The following MAGI2 variants were observed in gnomAD, a reference collection of about 807,000 sequenced individuals.
The protein encoded by MAGI2 is membrane-associated guanylate kinase, WW and PDZ domain-containing protein 2.
In MAGI2, 35 loss-of-function variants were observed where a neutral mutation model predicts 133.3. The observed-to-expected ratio is 0.26, with a 90% CI of 0.20 to 0.35. The LOEUF (loss-of-function observed/expected upper bound fraction) is 0.35. Ranked by LOEUF, MAGI2 falls within the 10% of genes least tolerant of loss-of-function variation. The pLI, the probability that MAGI2 is intolerant of heterozygous loss-of-function variation, is 1.00. For missense variants in MAGI2, 1,636 were observed against 1,863.4 expected (o/e 0.88, Z 2.25); for synonymous variants, 729 against 710.6 (o/e 1.03, Z -0.41).
chr7:79,425,514 A>C (rs1847281867), intron 1 of MAGI2, among the ~76,000 whole-genome samples: 2 of 151,330 alleles, frequency 1.3e-5, no homozygotes, highest in Admixed American at 1.3e-4. Flanking sequence ...TAGAATACTA[A>C]CATCCTAAAG....
At chr7:79,001,960 C>CTA (rs1370344225) in intron 2 of MAGI2, among the ~76,000 whole-genome samples, 1 of 152,084 alleles carries the variant, frequency 6.6e-6, no homozygotes, top group South Asian at 2.1e-4. Context: ...AGACTTTTAT[C>CTA]TATATATGTT....
chr7:78,421,095 G>C (rs1798750897), intron 6 of MAGI2, among the ~76,000 whole-genome samples: 1 of 152,168 alleles, frequency 6.6e-6, no homozygotes, highest in East Asian at 1.9e-4. Context: ...GCCAAATGTG[G>C]AAACTGTTGT....
chr7:78,504,490 T>A (rs571720156), intron 4 of MAGI2, among the ~76,000 whole-genome samples: 17 of 152,134 alleles, frequency 1.1e-4, no homozygotes, highest in Non-Finnish European at 2.4e-4. Context: ...AAGGAGAAGT[T>A]CCTTAACTCA....
At chr7:78,340,566 T>C (rs1790262707) in intron 9 of MAGI2, among the ~76,000 whole-genome samples, 1 of 152,188 alleles carries the variant, frequency 6.6e-6, no homozygotes, top group Admixed American at 6.5e-5. Context: ...AATAAAATAC[T>C]GGCAAACTGA....
chr7:78,157,016 C>T (rs758628853), intron 16 of MAGI2, among the ~76,000 whole-genome samples: 1 of 152,074 alleles, frequency 6.6e-6, no homozygotes, highest in African/African-American at 2.4e-5. Flanking sequence ...ATATTTTGAC[C>T]AGGGATATGT....
chr7:79,389,928 TGAG>T (rs1291313745), intron 1 of MAGI2, among the ~76,000 whole-genome samples: 1 of 152,172 alleles, frequency 6.6e-6, no homozygotes, highest in Non-Finnish European at 1.5e-5. Flanking sequence ...TCAAATGCTA[TGAG>T]GAGTTCATTA....
At chr7:79,414,806 TG>T (rs1430922886) in intron 1 of MAGI2, 1 of 152,148 alleles carries the variant, frequency 6.6e-6, no homozygotes, top group Non-Finnish European at 1.5e-5. Context: ...TGGGAAAACC[TG>T]TTTCTCCTCT....
intron 11 of MAGI2, among the ~76,000 whole-genome samples, chr7:78,199,436 T>A (rs1161565646): frequency 6.6e-6 from 1 of 152,240 alleles, no homozygotes; most frequent in Admixed American, 6.5e-5. Context: ...CTTACATGGA[T>A]TAACTCATAG....
At chr7:78,859,137 G>C (rs1358205224) in intron 2 of MAGI2, among the ~76,000 whole-genome samples, 1 of 151,790 alleles carries the variant, frequency 6.6e-6, no homozygotes, top group African/African-American at 2.4e-5. Context: ...GTGTGTCTCT[G>C]CACGTGAGAT....
At chr7:78,465,799 G>A (rs1242052702) in intron 6 of MAGI2, among the ~76,000 whole-genome samples, 1 of 152,130 alleles carries the variant, frequency 6.6e-6, no homozygotes, top group Non-Finnish European at 1.5e-5. Context: ...AGTCAAATCC[G>A]TAAACCAAAT....
At position 79,057,797 on chromosome 7, in the gene MAGI2, G is replaced by A. The variant is rs1029664789; in HGVS notation, c.302-50591C>T. ...ACTGAAATCTGAAGAGCATGTTAAA[G>A]TATGAGAAGGAGACACTTCCATAGG... On this transcript the variant is annotated intron_variant, in intron 1 of 21. Coordinates refer to ENST00000354212, the MANE Select transcript of MAGI2 (RefSeq NM_012301.4). Among the ~76,000 whole-genome samples the A allele has an allele frequency of 7.9e-5, 12 of 152,218 alleles. 2 individuals are homozygous for A. Among genetic ancestry groups the A allele is most frequent in the Admixed American group, 6.5e-4 (10 of 15,286 alleles).
chr7:78,492,157 A>G (rs1563078239), intron 5 of MAGI2, among the ~76,000 whole-genome samples: 1 of 152,012 alleles, frequency 6.6e-6, no homozygotes, highest in Non-Finnish European at 1.5e-5. Context: ...GCACACCACC[A>G]TGGGTCTCAA....
chr7:78,802,073 C>T (rs1469889192), intron 2 of MAGI2, among the ~76,000 whole-genome samples: 8 of 152,278 alleles, frequency 5.3e-5, no homozygotes, highest in Admixed American at 5.2e-4. Context: ...CTTTCTCAGG[C>T]TCTTACACAA....
At chr7:78,804,023 T>A (rs1750967586) in intron 2 of MAGI2, among the ~76,000 whole-genome samples, 1 of 152,224 alleles carries the variant, frequency 6.6e-6, no homozygotes, top group African/African-American at 2.4e-5. Context: ...TATGCTAAAC[T>A]TGGGAACTAC....
Position 78,805,074 on chromosome 7 carries a change from AT to A in MAGI2, c.419-177836del, listed in dbSNP as rs1404245954. On this transcript the variant is annotated intron_variant, in intron 2 of 21. Coordinates refer to ENST00000354212, the MANE Select transcript of MAGI2 (RefSeq NM_012301.4). ...CAGCAAGACTCTGTCTCAAAAAAAA[AT>A]AAAAAAATAAAAAAAAATAAAAATA... 5.3e-5 allele frequency among the ~76,000 whole-genome samples: 8 copies of A among 152,052 alleles called. No homozygotes were observed. In the South Asian group the frequency reaches 1.4e-3, roughly 28 times the overall value.
intron 6 of MAGI2, among the ~76,000 whole-genome samples, chr7:78,429,326 T>C (rs1488462460): frequency 6.6e-6 from 1 of 152,094 alleles, no homozygotes; most frequent in Non-Finnish European, 1.5e-5. Context: ...TTTTCTGATA[T>C]ACACCTTTAG....
In MAGI2 at chr7:79,115,854, G is replaced by GTTTTTTTT. The variant is rs59398227; in HGVS notation, c.302-108656_302-108649dup. On this transcript the variant is annotated intron_variant, in intron 1 of 21. Transcript: ENST00000354212. Reference sequence around the variant, plus strand: ...TCTGAATTATTCTAAATGTTTTAAAGTTTTTTTTTTTTTTTTTTTTTTTTT... The same window carrying GTTTTTTTT: ...TCTGAATTATTCTAAATGTTTTAAAGTTTTTTTTTTTTTTTTTTTTTTTTTTTTTTTTT... Among the ~76,000 whole-genome samples, 74 of 93,946 alleles carry GTTTTTTTT rather than the reference G, an allele frequency of 7.9e-4. 2 individuals carry two copies. Among genetic ancestry groups the GTTTTTTTT allele is most frequent in the African/African-American group, 3.0e-3 (69 of 22,930 alleles). 61.6% of individuals were successfully genotyped at this position (93,946 alleles called of 152,430 possible). A position where few individuals can be genotyped will look rare whatever the true frequency, so the allele number is the denominator to read the frequency against.
intron 1 of MAGI2, among the ~76,000 whole-genome samples, chr7:79,220,257 T>C (rs1427167798): frequency 3.9e-5 from 6 of 152,016 alleles, no homozygotes; most frequent in Non-Finnish European, 5.9e-5. Context: ...CAGCAATCAC[T>C]GCCTCAGTTG....
At chr7:79,198,246 G>T (rs549686363) in intron 1 of MAGI2, among the ~76,000 whole-genome samples, 27 of 146,414 alleles carry the variant, frequency 1.8e-4, no homozygotes, top group Non-Finnish European at 3.1e-4. Context: ...GAGTGAGACC[G>T]TGTTCAAAAA....
Sources: allele counts gnomAD v4.1 joint callset (sites outside exome capture counted in the v4.1 genomes callset), GRCh38; gene constraint gnomAD v4.1.1; transcripts MANE v1.5; gene names NCBI Gene and HGNC (gene_info 2026-07-23, HGNC 2026-07-21).